The following KCNQ5 variants were observed in gnomAD, a reference collection of about 807,000 sequenced individuals.
The protein encoded by KCNQ5 is potassium voltage-gated channel subfamily Q member 5.
A neutral mutation model predicts 98.2 loss-of-function variants in KCNQ5; 30 were observed. That is an observed-to-expected ratio of 0.31 (90% confidence interval 0.23 to 0.41). The LOEUF is 0.41. Among genes scored for constraint, KCNQ5 ranks in the 10% least tolerant of loss-of-function variants. KCNQ5 has a pLI of 1.00. For synonymous variants in KCNQ5, 458 were observed against 449.4 expected (o/e 1.02, Z -0.24); for missense variants, 835 against 1,182.5 (o/e 0.71, Z 4.31).
intron 1 of KCNQ5, among the ~76,000 whole-genome samples, chr6:72,633,583 C>T (rs1000760020): frequency 3.3e-5 from 5 of 152,120 alleles, no homozygotes; most frequent in Non-Finnish European, 7.4e-5. Flanking sequence ...CCCGAATAGC[C>T]AAAGCAATCC....
intron 1 of KCNQ5, among the ~76,000 whole-genome samples, chr6:72,899,527 A>T (rs1779392469): frequency 6.6e-6 from 1 of 152,322 alleles, no homozygotes; most frequent in Admixed American, 6.5e-5. Flanking sequence ...GCACTGTGTA[A>T]AATTTTTATC....
intron 3 of KCNQ5, among the ~76,000 whole-genome samples, chr6:73,059,234 A>G (rs1055367230): frequency 6.6e-6 from 1 of 152,244 alleles, no homozygotes; most frequent in Non-Finnish European, 1.5e-5. Flanking sequence ...ACACAGCCAT[A>G]AAAAAGAACA....
At chr6:72,804,309 AC>A (rs1582322569) in intron 1 of KCNQ5, among the ~76,000 whole-genome samples, 3 of 151,026 alleles carry the variant, frequency 2.0e-5, no homozygotes, top group Non-Finnish European at 4.4e-5. Flanking sequence ...CATCCCCACT[AC>A]CCCCACCCCT....
At chr6:72,778,666 A>G (rs1174916302) in intron 1 of KCNQ5, among the ~76,000 whole-genome samples, 1 of 152,250 alleles carries the variant, frequency 6.6e-6, no homozygotes. Context: ...GATTGTGGTA[A>G]TAATTTCACA....
In KCNQ5 at chr6:72,671,058, A is replaced by T. The variant is rs1767077092; in HGVS notation, c.398+48471A>T. 2.0e-5 allele frequency among the ~76,000 whole-genome samples: 3 copies of T among 152,136 alleles called. No individual in the cohort carries two copies. In the South Asian group the frequency reaches 6.2e-4, roughly 32 times the overall value. Reference sequence around the variant, plus strand: ...TTTTTATAACCTGCTGCTCATTTCCATCTGGGTCCTCATCCAAATGACCTT... The same window carrying T: ...TTTTTATAACCTGCTGCTCATTTCCTTCTGGGTCCTCATCCAAATGACCTT... On this transcript the variant is annotated intron_variant, in intron 1 of 13. Coordinates refer to ENST00000370398, the MANE Select transcript of KCNQ5 (RefSeq NM_019842.4).
chr6:72,634,732 A>C (rs1396445238), intron 1 of KCNQ5, among the ~76,000 whole-genome samples: 1 of 151,852 alleles, frequency 6.6e-6, no homozygotes, highest in Non-Finnish European at 1.5e-5. Flanking sequence ...CGCCTGGCTA[A>C]TATTTTTGTA....
At chr6:73,109,961 G>T (rs1350567159) in intron 6 of KCNQ5, among the ~76,000 whole-genome samples, 1 of 152,150 alleles carries the variant, frequency 6.6e-6, no homozygotes, top group African/African-American at 2.4e-5. Context: ...GGAATCTCAA[G>T]ATAAGAAGGA....
At chr6:72,830,672 T>C (rs551523111) in intron 1 of KCNQ5, among the ~76,000 whole-genome samples, 1 of 152,316 alleles carries the variant, frequency 6.6e-6, no homozygotes, top group Non-Finnish European at 1.5e-5. Context: ...GACATAGCCA[T>C]GGGCAAGGAT....
At chr6:73,125,466 T>C in intron 9 of KCNQ5, 1 of 517,966 alleles carries the variant, frequency 1.9e-6, no homozygotes, top group Non-Finnish European at 3.9e-6. Context: ...ACATTTTTTT[T>C]CCTATCATTG....
intron 1 of KCNQ5, among the ~76,000 whole-genome samples, chr6:72,741,750 G>A (rs912959347): frequency 3.3e-5 from 5 of 152,064 alleles, no homozygotes; most frequent in South Asian, 4.1e-4. Context: ...AGAAAAGAAC[G>A]ATTCAGGATC....
At chr6:73,165,949 A>G (rs1024318302) in intron 10 of KCNQ5, among the ~76,000 whole-genome samples, 1 of 151,298 alleles carries the variant, frequency 6.6e-6, no homozygotes, top group Admixed American at 6.6e-5. Context: ...AAAAGAAAAA[A>G]AAAGAGAGAG....
chr6:72,938,897 A>G (rs1379514663), intron 1 of KCNQ5, among the ~76,000 whole-genome samples: 1 of 152,180 alleles, frequency 6.6e-6, no homozygotes, highest in Non-Finnish European at 1.5e-5. Context: ...ACTTCAAGTG[A>G]TTTAAGTATT....
intron 1 of KCNQ5, among the ~76,000 whole-genome samples, chr6:72,674,939 A>AAG (rs1582094962): frequency 1.3e-5 from 2 of 152,168 alleles, no homozygotes; most frequent in African/African-American, 4.8e-5. Flanking sequence ...TGTGGGCCTA[A>AAG]CTGCATGGAT....
intron 1 of KCNQ5, among the ~76,000 whole-genome samples, chr6:72,659,960 T>C (rs1351415921): frequency 6.6e-6 from 1 of 152,208 alleles, no homozygotes; most frequent in Non-Finnish European, 1.5e-5. Flanking sequence ...CACTTTCATC[T>C]TAGTAGTTTC....
At chr6:72,646,198 C>T (rs542582980) in intron 1 of KCNQ5, among the ~76,000 whole-genome samples, 1 of 152,154 alleles carries the variant, frequency 6.6e-6, no homozygotes, top group Admixed American at 6.5e-5. Flanking sequence ...CATACTACAT[C>T]TTCTCAAATA....
intron 1 of KCNQ5, among the ~76,000 whole-genome samples, chr6:72,932,875 T>C (rs1009240739): frequency 3.9e-5 from 6 of 152,224 alleles, no homozygotes; most frequent in Admixed American, 6.5e-5. Flanking sequence ...GTTAGCATTG[T>C]CAGCTTTTCT....
intron 1 of KCNQ5, among the ~76,000 whole-genome samples, chr6:72,900,913 T>C (rs537100874): frequency 5.7e-4 from 87 of 152,258 alleles, no homozygotes; most frequent in Non-Finnish European, 6.6e-4. Context: ...ATTTTGAGCA[T>C]TTGTTCATAT....
At chr6:72,797,154 C>T (rs1478560302) in intron 1 of KCNQ5, among the ~76,000 whole-genome samples, 1 of 152,034 alleles carries the variant, frequency 6.6e-6, no homozygotes, top group Non-Finnish European at 1.5e-5. Flanking sequence ...ATTCACTATT[C>T]CCGTTAGAAC....
intron 1 of KCNQ5, among the ~76,000 whole-genome samples, chr6:72,736,468 A>C (rs991522864): frequency 6.6e-6 from 1 of 151,626 alleles, no homozygotes; most frequent in Non-Finnish European, 1.5e-5. Flanking sequence ...GAATTAACAT[A>C]ATATAAATTA....
Sources: allele counts gnomAD v4.1 joint callset (sites outside exome capture counted in the v4.1 genomes callset), GRCh38; gene constraint gnomAD v4.1.1; transcripts MANE v1.5; gene names NCBI Gene and HGNC (gene_info 2026-07-23, HGNC 2026-07-21).